Variants in CELF2 observed in about 807,000 individuals in gnomAD.
The protein encoded by CELF2 is CUG triplet repeat RNA-binding protein 2.
CELF2 carries 8 observed loss-of-function variants against 62.6 expected under a neutral mutation model. The ratio of observed to expected loss-of-function variants is 0.13; its 90% CI spans 0.07 to 0.23. The LOEUF is 0.23. Among genes scored for constraint, CELF2 ranks in the 10% least tolerant of loss-of-function variants. The pLI is 1.00. For synonymous variants in CELF2, 258 were observed against 250.0 expected (o/e 1.03, Z -0.30); for missense variants, 333 against 671.0 (o/e 0.50, Z 5.56).
the CELF2 span, among the ~76,000 whole-genome samples, chr10:10,574,765 A>G: frequency 6.6e-6 from 1 of 151,900 alleles, no homozygotes; most frequent in Non-Finnish European, 1.5e-5. Context: ...GCTGGAGTGC[A>G]GTGGCATGAT....
the CELF2 span, among the ~76,000 whole-genome samples, chr10:10,712,147 C>CAAAA: frequency 2.0e-3 from 88 of 43,414 alleles, 12 homozygotes; most frequent in African/African-American, 4.7e-3. Flanking sequence ...AGGATAGAGA[C>CAAAA]AAAAAAAAAA....
At chr10:10,994,775 T>C (rs1297633390) in intron 2 of CELF2, among the ~76,000 whole-genome samples, 1 of 136,468 alleles carries the variant, frequency 7.3e-6, no homozygotes, top group Non-Finnish European at 1.6e-5. Flanking sequence ...TGGGGACTGC[T>C]GATGTATAAG....
At chr10:10,549,266 G>C in the CELF2 span, among the ~76,000 whole-genome samples, 1 of 152,138 alleles carries the variant, frequency 6.6e-6, no homozygotes, top group South Asian at 2.1e-4. Flanking sequence ...CAAGGTGTCA[G>C]TAGGGTTGGT....
At chr10:10,615,407 T>C in the CELF2 span, among the ~76,000 whole-genome samples, 13 of 152,146 alleles carry the variant, frequency 8.5e-5, no homozygotes, top group Non-Finnish European at 1.8e-4. Context: ...CTGTTCCAGC[T>C]GTCAGGCTGT....
chr10:11,103,485 T>G (rs114134908), intron 1 of CELF2, among the ~76,000 whole-genome samples: 1,279 of 118,748 alleles, frequency 0.011, 20 homozygotes, highest in African/African-American at 0.043. Context: ...GTTTGTAGCC[T>G]GATTTTTTTT....
intron 1 of CELF2, among the ~76,000 whole-genome samples, chr10:10,883,550 G>C (rs1238436406): frequency 6.6e-6 from 1 of 152,138 alleles, no homozygotes; most frequent in East Asian, 1.9e-4. Context: ...ACCCGGAATG[G>C]CATTTTTAGG....
In CELF2 at chr10:11,010,380, T is replaced by C. The variant is rs1466803600; in HGVS notation, c.53+4940T>C. On this transcript the variant is annotated intron_variant, in intron 1 of 12. Coordinates refer to the CELF2 transcript ENST00000416382. The surrounding 1 kb of genome is among the most constrained non-coding windows in gnomAD (Gnocchi z 4.1). ...GGAAACCTCAGTGCTAAAAGAACAA[T>C]CGAATCAGTACTGGCCTTCTCTCTT... Among the ~76,000 whole-genome samples the C allele has an allele frequency of 6.6e-6, 1 of 152,138 alleles. No homozygotes were observed. Among genetic ancestry groups the C allele is most frequent in the African/African-American group, 2.4e-5 (1 of 41,416 alleles).
In CELF2 at chr10:11,056,399, A is replaced by C. The variant is rs532314861; in HGVS notation, c.74+38236A>C. 1.2e-4 allele frequency among the ~76,000 whole-genome samples: 19 copies of C among 152,118 alleles called. No individual in the cohort carries two copies. The South Asian group carries it at 3.9e-3, about 32-fold the overall frequency. ...CTAATAGCTTGCTCTGTAGTTGATAATCAATCAGGTAATAATTTATTACAC... is the reference window on the plus strand; with the variant it reads ...CTAATAGCTTGCTCTGTAGTTGATACTCAATCAGGTAATAATTTATTACAC... On this transcript the variant is annotated intron_variant, in intron 1 of 12. Coordinates refer to ENST00000633077, the MANE Select transcript of CELF2 (RefSeq NM_001326342.2).
the CELF2 span, among the ~76,000 whole-genome samples, chr10:10,618,032 CT>C: frequency 6.6e-6 from 1 of 152,164 alleles, no homozygotes; most frequent in East Asian, 1.9e-4. Flanking sequence ...CTTAATACTT[CT>C]TGACTCTGAG....
At chr10:10,699,016 A>T in the CELF2 span, among the ~76,000 whole-genome samples, 1 of 152,120 alleles carries the variant, frequency 6.6e-6, no homozygotes, top group Non-Finnish European at 1.5e-5. Context: ...AAAAATGCTT[A>T]TATAGTATCC....
chr10:10,807,570 T>C (rs1315293395), intron 1 of CELF2, among the ~76,000 whole-genome samples: 2 of 152,232 alleles, frequency 1.3e-5, no homozygotes, highest in Admixed American at 1.3e-4. Context: ...TTCTGAATTC[T>C]GAAGAGATCA....
the CELF2 span, among the ~76,000 whole-genome samples, chr10:10,484,580 G>T: frequency 6.6e-6 from 1 of 151,558 alleles, no homozygotes; most frequent in African/African-American, 2.4e-5. Flanking sequence ...GTCTCCCAAA[G>T]TGCTGGGATT....
chr10:10,746,323 T>C, the CELF2 span, among the ~76,000 whole-genome samples: 1 of 144,820 alleles, frequency 6.9e-6, no homozygotes, highest in Non-Finnish European at 1.5e-5. Flanking sequence ...AATATTCAAT[T>C]ATGCATTCAT....
chr10:10,839,463 C>T (rs762339829), intron 1 of CELF2, among the ~76,000 whole-genome samples: 3 of 152,168 alleles, frequency 2.0e-5, no homozygotes, highest in Non-Finnish European at 2.9e-5. Context: ...TTCAATTTCA[C>T]GTGTATAGTG....
intron 1 of CELF2, among the ~76,000 whole-genome samples, chr10:10,908,214 A>ATTTTGTT (rs2063502992): frequency 1.2e-5 from 1 of 83,738 alleles, no homozygotes; most frequent in African/African-American, 4.8e-5. Flanking sequence ...GTATGAGGGG[A>ATTTTGTT]TTTTTTTTTT....
chr10:10,913,849 G>GAGAA (rs1322139666), intron 1 of CELF2, among the ~76,000 whole-genome samples: 6 of 48,032 alleles, frequency 1.2e-4, no homozygotes, highest in Non-Finnish European at 2.3e-4. Flanking sequence ...GAAGGAAGGA[G>GAGAA]GGAAGGAGAG....
At chr10:11,276,634 G>C (rs2138979037) in intron 8 of CELF2, among the ~76,000 whole-genome samples, 1 of 152,338 alleles carries the variant, frequency 6.6e-6, no homozygotes, top group South Asian at 2.1e-4. Flanking sequence ...TTCTCGCATA[G>C]TATGGACTCA....
chr10:11,195,927 T>G (rs768844327), intron 2 of CELF2, among the ~76,000 whole-genome samples: 1 of 152,098 alleles, frequency 6.6e-6, no homozygotes, highest in South Asian at 2.1e-4. Context: ...CATTCACAGA[T>G]GCAGTCACAA....
chr10:11,168,448 C>T (rs2067876150), intron 2 of CELF2, among the ~76,000 whole-genome samples: 1 of 152,158 alleles, frequency 6.6e-6, no homozygotes. Flanking sequence ...GAGCAACAGC[C>T]CCCACTTTAT....
Sources: allele counts gnomAD v4.1 joint callset (sites outside exome capture counted in the v4.1 genomes callset), GRCh38; gene constraint gnomAD v4.1.1; non-coding constraint Gnocchi (gnomAD v3.1); transcripts MANE v1.5; gene names NCBI Gene and HGNC (gene_info 2026-07-23, HGNC 2026-07-21).